The following BSN variants were observed in gnomAD, a reference collection of about 807,000 sequenced individuals.
The protein encoded by BSN is protein bassoon.
BSN carries 57 observed loss-of-function variants against 264.8 expected under a neutral mutation model. That is an observed-to-expected ratio of 0.22 (90% CI 0.17 to 0.27). BSN has a LOEUF of 0.27. BSN is among the 10% of genes least tolerant of loss of function. The pLI is 1.00. For synonymous variants in BSN, 2,059 were observed against 2,137.3 expected (o/e 0.96, Z 1.01); for missense variants, 4,615 against 5,232.5 (o/e 0.88, Z 3.64).
At chr3:49,633,497 G>A (rs558492240) in intron 2 of BSN, among the ~76,000 whole-genome samples, 4 of 152,140 alleles carry the variant, frequency 2.6e-5, no homozygotes, top group Admixed American at 2.6e-4. Context: ...AAATGGTACA[G>A]CCACTCTGGA....
intron 3 of BSN, among the ~76,000 whole-genome samples, chr3:49,644,467 A>G (rs920171997): frequency 6.6e-6 from 1 of 152,164 alleles, no homozygotes; most frequent in Admixed American, 6.5e-5. Flanking sequence ...TATGCAGGGA[A>G]GGGCAGCCCT....
At position 49,655,732 on chromosome 3, in the gene BSN, G is replaced by A. The variant is rs2052593053; in HGVS notation, c.6176G>A (p.Arg2059Gln). The A allele has an allele frequency of 6.2e-7, 1 of 1,613,468 alleles. No individual in the cohort carries two copies. Among genetic ancestry groups the A allele is most frequent in the Non-Finnish European group, 8.5e-7 (1 of 1,180,040 alleles). ...CTTTTGGCTCACCCGCTTCCCATGC[G>A]GCGCTATAGCTCAGTGTCGAACATC... ...TDLLAHPLPM[R>Q]RYSSVSNIYS... Residue 2059 changes from arginine (R) to glutamine (Q), a missense_variant, in exon 5 of 12, where the codon CGG becomes CAG. Transcript: ENST00000296452.
Position 49,663,133 on chromosome 3 carries a change from G to T in BSN, c.10975G>T (p.Gly3659Cys), listed in dbSNP as rs771254287. The change falls in exon 7 of 12, where the codon GGT becomes TGT. Residue 3659 changes from glycine (G) to cysteine (C), a missense_variant. Gly to Cys is a radical substitution (Grantham distance 159, BLOSUM62 -3). This residue lies in a region of BSN where 3,415 missense variants were observed against 3,866.4 expected (regional missense o/e 0.88). Coordinates refer to ENST00000296452, the MANE Select transcript of BSN (RefSeq NM_003458.4). ...DHGRHSGRHT[G>C]EEPGRRAAKP... ...CGGGCGGCACTCAGGCCGCCACACT[G>T]GTGAGGAGCCGGGACGGCGTGCTGC... 2 of 1,612,278 alleles carry T rather than the reference G, an allele frequency of 1.2e-6. No homozygotes were observed. The highest frequency in any genetic ancestry group is 1.7e-6 in the Non-Finnish European group (2 of 1,179,714).
At chr3:49,612,414 C>T (rs928446747) in intron 1 of BSN, among the ~76,000 whole-genome samples, 4 of 152,178 alleles carry the variant, frequency 2.6e-5, no homozygotes, top group Non-Finnish European at 5.9e-5. Context: ...GGATTAAAGG[C>T]GTGAGCCACC....
Position 49,654,316 on chromosome 3 carries a change from C to T in BSN, c.4760C>T (p.Thr1587Ile). Residue 1587 changes from threonine to isoleucine, a missense_variant, in exon 5 of 12, where the codon ACC becomes ATC. Thr to Ile is a moderately conservative substitution (Grantham distance 89). Coordinates refer to ENST00000296452, the MANE Select transcript of BSN (RefSeq NM_003458.4). The surrounding 1 kb of genome is among the most constrained non-coding windows in gnomAD (Gnocchi z 4.1). Reference sequence around the variant, plus strand: ...TCCCCGCTCTGCTCACCTACTGAAACCCAGCCCACCACCCATGGCTACAGC... The same window carrying T: ...TCCCCGCTCTGCTCACCTACTGAAATCCAGCCCACCACCCATGGCTACAGC... ...STSPLCSPTE[T>I]QPTTHGYSQT... The T allele has an allele frequency of 6.2e-7, 1 of 1,613,682 alleles. No homozygotes were observed. The highest frequency in any genetic ancestry group is 8.5e-7 in the Non-Finnish European group (1 of 1,179,948).
At chr3:49,571,398 G>C (rs1426777694) in intron 1 of BSN, among the ~76,000 whole-genome samples, 1 of 152,130 alleles carries the variant, frequency 6.6e-6, no homozygotes, top group Non-Finnish European at 1.5e-5. Context: ...GCATCCAGTG[G>C]GTAAGAATGG....
intron 9 of BSN, 57 bp from the exon 10 acceptor site, chr3:49,664,742 G>C (rs1028866925): frequency 4.5e-5 from 72 of 1,603,380 alleles, no homozygotes; most frequent in Non-Finnish European, 1.2e-5. Context: ...AAGTGGCCCT[G>C]ACTGGGAGGG....
At chr3:49,605,430 AATATATATT>A (rs2052107616) in intron 1 of BSN, among the ~76,000 whole-genome samples, 3 of 32,952 alleles carry the variant, frequency 9.1e-5, no homozygotes, top group African/African-American at 1.5e-4. Context: ...ATTTATATAT[AATATATATT>A]ATATATATTA....
chr3:49,639,490 G>A (rs1342589965), intron 2 of BSN, among the ~76,000 whole-genome samples: 4 of 152,226 alleles, frequency 2.6e-5, no homozygotes, highest in Non-Finnish European at 5.9e-5. Flanking sequence ...GAGCCACGGT[G>A]CACGGCCTGC....
downstream of BSN, among the ~76,000 whole-genome samples, chr3:49,672,972 G>C (rs1028218101): frequency 1.3e-5 from 2 of 148,252 alleles, no homozygotes; most frequent in Non-Finnish European, 3.0e-5. Flanking sequence ...GTAGAGACAG[G>C]GTTTCACCGT....
At chr3:49,594,890 AT>A (rs35658408) in intron 1 of BSN, among the ~76,000 whole-genome samples, 16 of 144,324 alleles carry the variant, frequency 1.1e-4, no homozygotes, top group African/African-American at 1.5e-4. Context: ...AGATCCTACA[AT>A]TTTTTTTTTT....
chr3:49,649,247 G>A, intron 3 of BSN, among the ~76,000 whole-genome samples: 1 of 152,228 alleles, frequency 6.6e-6, no homozygotes, highest in East Asian at 1.9e-4. Flanking sequence ...AAGGGCCAAA[G>A]GTCACCTCCT....
intron 1 of BSN, among the ~76,000 whole-genome samples, chr3:49,570,031 A>G (rs2051783850): frequency 6.6e-6 from 1 of 152,150 alleles, no homozygotes; most frequent in Non-Finnish European, 1.5e-5. Flanking sequence ...TTTGGGATGT[A>G]TATTTCTCTG....
intron 3 of BSN, among the ~76,000 whole-genome samples, chr3:49,649,236 C>T (rs747473914): frequency 2.0e-5 from 3 of 152,214 alleles, no homozygotes; most frequent in Admixed American, 1.3e-4. Context: ...CTGGGGGTGG[C>T]AAGGGCCAAA....
chr3:49,598,217 T>C (rs1319143113), intron 1 of BSN, among the ~76,000 whole-genome samples: 1 of 152,236 alleles, frequency 6.6e-6, no homozygotes, highest in Non-Finnish European at 1.5e-5. Flanking sequence ...TAATTTTTTG[T>C]TGAAAACTGG....
chr3:49,561,472 A>C (rs2107998824), intron 1 of BSN, among the ~76,000 whole-genome samples: 1 of 152,314 alleles, frequency 6.6e-6, no homozygotes, highest in South Asian at 2.1e-4. Flanking sequence ...GTAGGTGAGG[A>C]AATTTCCTAA....
intron 3 of BSN, among the ~76,000 whole-genome samples, chr3:49,646,307 A>G (rs1020023453): frequency 2.0e-5 from 3 of 152,200 alleles, no homozygotes; most frequent in African/African-American, 7.2e-5. Context: ...TTTTTAATTG[A>G]CGTTCAGTTC....
intron 1 of BSN, among the ~76,000 whole-genome samples, chr3:49,574,481 T>A (rs1227516730): frequency 1.3e-5 from 2 of 152,020 alleles, no homozygotes; most frequent in Non-Finnish European, 2.9e-5. Context: ...TGACCACAGT[T>A]GGAGTGCAAT....
intron 1 of BSN, among the ~76,000 whole-genome samples, chr3:49,568,183 A>T (rs1482767384): frequency 6.6e-6 from 1 of 152,226 alleles, no homozygotes; most frequent in Non-Finnish European, 1.5e-5. Flanking sequence ...GTGGGACTGG[A>T]AATCTTGCTG....
Sources: gnomAD v4.1 joint callset for allele counts (sites outside exome capture counted in the v4.1 genomes callset) on GRCh38, gnomAD v4.1.1 for gene constraint, gnomAD v4.1.1 regional missense constraint, Gnocchi (gnomAD v3.1) non-coding constraint, MANE v1.5 for transcripts, NCBI Gene and HGNC (gene_info 2026-07-23, HGNC 2026-07-21) for gene names.